TBC1D8: variants seen among roughly 807,000 people sequenced by gnomAD.
The protein encoded by TBC1D8 is BUB2-like protein 1.
TBC1D8 carries 65 observed loss-of-function variants against 118.8 expected under a neutral mutation model. The observed-to-expected ratio is 0.55, with a 90% CI of 0.45 to 0.67. The LOEUF (loss-of-function observed/expected upper bound fraction) is 0.67, where lower values mean the gene tolerates loss of function less well. Ranked by LOEUF, TBC1D8 falls within the 30% of genes least tolerant of loss-of-function variation. The pLI, the probability that TBC1D8 is intolerant of heterozygous loss-of-function variation, is 0.00. For missense variants in TBC1D8, 1,376 were observed against 1,471.2 expected, an observed-to-expected ratio of 0.94 and a Z score of 1.06; for synonymous variants, 566 against 595.8, an observed-to-expected ratio of 0.95 and a Z score of 0.73.
At chr2:101,081,577 C>A (rs1675269039) in intron 2 of TBC1D8, among the ~76,000 whole-genome samples, 1 of 152,180 alleles carries the variant, frequency 6.6e-6, no homozygotes, top group African/African-American at 2.4e-5. Context: ...CCCCCTGGGA[C>A]CCTCCCCATG....
chr2:101,086,641 A>C (rs1237086781), intron 2 of TBC1D8, among the ~76,000 whole-genome samples: 2 of 152,058 alleles, frequency 1.3e-5, no homozygotes, highest in Non-Finnish European at 2.9e-5. Flanking sequence ...GCCCTAGAAC[A>C]ACAGCCACCA....
chr2:101,054,261 C>T lies in TBC1D8; in HGVS notation c.478G>A (p.Val160Met). 1 of 1,601,298 alleles carries T rather than the reference C, an allele frequency of 6.2e-7. No individual in the cohort carries two copies. Among genetic ancestry groups the T allele is most frequent in the Non-Finnish European group, 8.5e-7 (1 of 1,174,084 alleles). Residue 160 changes from valine (V) to methionine (M), a missense_variant, in exon 4 of 20, where the codon GTG becomes ATG. Physicochemically the swap from Val to Met is conservative, Grantham distance 21 (BLOSUM62 1). Transcript: ENST00000409318. Reference protein sequence around the residue: ...EEPEKFREALVKFEARFNFPE... With the variant: ...EEPEKFREALMKFEARFNFPE... ...AAGTTGAACCTGGCCTCGAACTTCA[C>T]CAGGGCTTCTCGGAATTTCTCGGGT...
intron 1 of TBC1D8, among the ~76,000 whole-genome samples, chr2:101,119,419 C>T (rs1429703684): frequency 6.6e-6 from 1 of 152,208 alleles, no homozygotes; most frequent in East Asian, 1.9e-4. Context: ...CTAAGTGTCC[C>T]ATCTCTACTC....
chr2:101,121,560 G>C (rs1000667927), intron 1 of TBC1D8, among the ~76,000 whole-genome samples: 2 of 152,218 alleles, frequency 1.3e-5, no homozygotes, highest in South Asian at 2.1e-4. Flanking sequence ...TGAAAGGAGC[G>C]AGAGAGCTCT....
intron 2 of TBC1D8, among the ~76,000 whole-genome samples, chr2:101,075,261 G>A (rs1329166272): frequency 6.6e-6 from 1 of 152,088 alleles, no homozygotes; most frequent in African/African-American, 2.4e-5. Context: ...AGCCAGGCGT[G>A]GTGGCACGCA....
chr2:101,124,955 C>T lies in TBC1D8; in HGVS notation c.127+26172G>A, dbSNP rs538985358. Among the ~76,000 whole-genome samples the T allele has an allele frequency of 1.2e-4, 18 of 152,270 alleles. 2 individuals are homozygous for T. Among genetic ancestry groups the T allele is most frequent in the African/African-American group, 4.3e-4 (18 of 41,526 alleles). Reference sequence around the variant, plus strand: ...CCTTCCCATGTGCCTTAGAAATAAGCTCTTCAATAACCAAACTATCCCACG... The same window carrying T: ...CCTTCCCATGTGCCTTAGAAATAAGTTCTTCAATAACCAAACTATCCCACG... On this transcript the variant is annotated intron_variant, in intron 1 of 19. Coordinates refer to ENST00000409318, the MANE Select transcript of TBC1D8 (RefSeq NM_001330348.2).
At chr2:101,029,138 C>T (rs1166943604) in intron 12 of TBC1D8, among the ~76,000 whole-genome samples, 1 of 152,188 alleles carries the variant, frequency 6.6e-6, no homozygotes, top group African/African-American at 2.4e-5. Context: ...CTTGTAATCC[C>T]AGCACTCTGG....
chr2:101,095,393 TCC>T (rs34728768), intron 1 of TBC1D8, among the ~76,000 whole-genome samples: 1 of 127,988 alleles, frequency 7.8e-6, no homozygotes, highest in Non-Finnish European at 1.7e-5. Flanking sequence ...TAATGCTATC[TCC>T]CCCCCCCTCC....
At chr2:101,028,847 C>T (rs1334070096) in intron 12 of TBC1D8, among the ~76,000 whole-genome samples, 1 of 152,226 alleles carries the variant, frequency 6.6e-6, no homozygotes, top group Non-Finnish European at 1.5e-5. Flanking sequence ...TCTGCAACCT[C>T]TAGCTGGCTG....
chr2:101,142,993 T>C (rs1433152502), intron 1 of TBC1D8, among the ~76,000 whole-genome samples: 1 of 152,122 alleles, frequency 6.6e-6, no homozygotes, highest in Non-Finnish European at 1.5e-5. Context: ...AACCATAAAA[T>C]GCAGTACCTT....
chr2:101,080,984 C>T (rs1675225458), intron 2 of TBC1D8, among the ~76,000 whole-genome samples: 1 of 152,074 alleles, frequency 6.6e-6, no homozygotes. Context: ...CTGTGTTGCC[C>T]AGGCTGGTCT....
chr2:101,113,907 C>T (rs1677713571), intron 1 of TBC1D8, among the ~76,000 whole-genome samples: 1 of 152,186 alleles, frequency 6.6e-6, no homozygotes, highest in South Asian at 2.1e-4. Flanking sequence ...AATGAGTCTG[C>T]CTGTTTCATC....
intron 4 of TBC1D8, among the ~76,000 whole-genome samples, chr2:101,053,717 G>A (rs1682209213): frequency 6.6e-6 from 1 of 152,216 alleles, no homozygotes; most frequent in South Asian, 2.1e-4. Flanking sequence ...TATCCAGCCA[G>A]TCTTCCAAGG....
intron 19 of TBC1D8, among the ~76,000 whole-genome samples, chr2:101,008,693 T>G (rs543686351): frequency 6.6e-6 from 1 of 152,034 alleles, no homozygotes; most frequent in Non-Finnish European, 1.5e-5. Flanking sequence ...ATGCCTGCAA[T>G]CCCAGCTACT....
intron 2 of TBC1D8, among the ~76,000 whole-genome samples, chr2:101,061,750 A>T (rs1181323828): frequency 6.6e-6 from 1 of 152,170 alleles, no homozygotes; most frequent in Non-Finnish European, 1.5e-5. Context: ...GCTTCCTCTG[A>T]GGTGAGGGGT....
intron 1 of TBC1D8, among the ~76,000 whole-genome samples, chr2:101,110,520 G>T (rs1677521280): frequency 1.3e-5 from 2 of 152,080 alleles, no homozygotes; most frequent in Non-Finnish European, 2.9e-5. Context: ...AGTAATAGAA[G>T]GACTTCTCAC....
chr2:101,121,525 C>T (rs899678998), intron 1 of TBC1D8, among the ~76,000 whole-genome samples: 8 of 152,232 alleles, frequency 5.3e-5, no homozygotes, highest in Admixed American at 3.9e-4. Context: ...AAGATGGTGC[C>T]TTCTAGAGCT....
At chr2:101,096,589 G>T (rs1319345820) in intron 1 of TBC1D8, among the ~76,000 whole-genome samples, 1 of 152,062 alleles carries the variant, frequency 6.6e-6, no homozygotes, top group Non-Finnish European at 1.5e-5. Flanking sequence ...TAAACAATAT[G>T]CAAGAACAGA....
chr2:101,084,050 G>A (rs1394747366), intron 2 of TBC1D8, among the ~76,000 whole-genome samples: 2 of 152,196 alleles, frequency 1.3e-5, no homozygotes, highest in African/African-American at 2.4e-5. Flanking sequence ...AGCAGAAAGT[G>A]ATGCATCTAC....
Sources: gnomAD v4.1 joint callset for allele counts (sites outside exome capture counted in the v4.1 genomes callset) on GRCh38, gnomAD v4.1.1 for gene constraint, MANE v1.5 for transcripts, NCBI Gene and HGNC (gene_info 2026-07-23, HGNC 2026-07-21) for gene names.